Variants in LIN52 observed in about 807,000 individuals in gnomAD.
LIN52 encodes protein lin-52 homolog.
Under a neutral mutation model 18.5 loss-of-function variants are expected in LIN52, and 4 were observed. That is an observed-to-expected ratio of 0.22 (90% CI 0.11 to 0.49). The LOEUF (loss-of-function observed/expected upper bound fraction) is 0.49. Ranked by LOEUF, LIN52 falls within the 20% of genes least tolerant of loss-of-function variation. LIN52 has a pLI of 0.97. For synonymous variants in LIN52, 34 were observed against 45.5 expected, an observed-to-expected ratio of 0.75 and a Z score of 1.02; for missense variants, 102 against 139.5, an observed-to-expected ratio of 0.73 and a Z score of 1.35.
At chr14:74,126,750 T>C (rs1566855548) in intron 5 of LIN52, among the ~76,000 whole-genome samples, 1 of 151,910 alleles carries the variant, frequency 6.6e-6, no homozygotes, top group Non-Finnish European at 1.5e-5. Context: ...GAATGGGGAG[T>C]GACTACTTTA....
At position 74,091,255 on chromosome 14, in the gene LIN52, C is replaced by T; in HGVS notation, c.43C>T (p.Leu15=). 6.2e-7 allele frequency: 1 copy of T among 1,611,582 alleles called. No individual in the cohort carries two copies. Among genetic ancestry groups the T allele is most frequent in the South Asian group, 1.1e-5 (1 of 90,934 alleles). Reference sequence around the variant, plus strand: ...AGGGACAGATCTGGAAGCATCTTTGCTAAGTTTTGAAAAACTTGACCGTGC... The same window carrying T: ...AGGGACAGATCTGGAAGCATCTTTGTTAAGTTTTGAAAAACTTGACCGTGC... ...TDGTDLEASL[L]SFEKLDRASP... The change falls in exon 2 of 6, where the codon CTA becomes TTA. Residue 15 remains leucine (L), a synonymous_variant. Transcript: ENST00000555028.
chr14:74,150,246 C>T (rs180870511), intron 5 of LIN52, among the ~76,000 whole-genome samples: 33 of 151,986 alleles, frequency 2.2e-4, no homozygotes, highest in African/African-American at 7.7e-4. Context: ...TATAATTGAC[C>T]CAAACTAGAA....
At chr14:74,166,053 G>C (rs996682348) in intron 5 of LIN52, among the ~76,000 whole-genome samples, 5 of 150,854 alleles carry the variant, frequency 3.3e-5, no homozygotes, top group Admixed American at 2.6e-4. Context: ...CACCATTCCC[G>C]GCTAATTTTG....
At chr14:74,133,025 AC>A (rs1054747660) in intron 5 of LIN52, among the ~76,000 whole-genome samples, 2 of 152,050 alleles carry the variant, frequency 1.3e-5, no homozygotes, top group Admixed American at 6.5e-5. Flanking sequence ...AAAAAAAAAA[AC>A]AACCCATTTC....
intron 4 of LIN52, among the ~76,000 whole-genome samples, chr14:74,100,109 G>A (rs1042315344): frequency 1.3e-5 from 2 of 152,122 alleles, no homozygotes; most frequent in African/African-American, 4.8e-5. Flanking sequence ...GTGTTTTGTT[G>A]CCACTTTATT....
rs34746271 is a variant in LIN52, at chr14:74,130,588, A to ATTTTT, written c.283+29370_283+29374dup. On this transcript the variant is annotated intron_variant, in intron 5 of 5. Transcript: ENST00000555028. The stretch of plus-strand genomic sequence containing the variant: ...CCACCACACCTAGCCTAAATTGGCC[A>ATTTTT]TTTTTTTTTTTTTTTTTTTTTTTTG... Among the ~76,000 whole-genome samples the ATTTTT allele has an allele frequency of 5.9e-4, 43 of 72,988 alleles. 1 individual carries two copies. Among genetic ancestry groups the ATTTTT allele is most frequent in the Non-Finnish European group, 8.1e-4 (33 of 40,958 alleles). The allele number at this position is 72,988 out of a possible 152,430, so 47.9% of individuals were successfully genotyped here.
intron 5 of LIN52, chr14:74,192,496 G>A (rs1201037187): frequency 6.2e-6 from 1 of 161,284 alleles, no homozygotes; most frequent in Non-Finnish European, 1.3e-5. Flanking sequence ...ATGTTGGCCA[G>A]GCTGGTCTCG....
chr14:74,096,202 A>T (rs2060811481), intron 3 of LIN52, among the ~76,000 whole-genome samples: 1 of 152,156 alleles, frequency 6.6e-6, no homozygotes, highest in South Asian at 2.1e-4. Context: ...CTGGGATTAC[A>T]GGTGCCCACC....
chr14:74,122,338 G>A (rs374719678), intron 5 of LIN52, among the ~76,000 whole-genome samples: 3 of 152,150 alleles, frequency 2.0e-5, no homozygotes, highest in East Asian at 3.8e-4. Context: ...CATGGTGTCT[G>A]CAGCTAGCTC....
At chr14:74,130,100 C>T (rs760022912) in intron 5 of LIN52, among the ~76,000 whole-genome samples, 3 of 151,752 alleles carry the variant, frequency 2.0e-5, no homozygotes, top group Admixed American at 6.6e-5. Context: ...AAACTGCCCC[C>T]GTGATTCAGT....
intron 5 of LIN52, among the ~76,000 whole-genome samples, chr14:74,172,191 A>G (rs542962970): frequency 7.1e-4 from 108 of 152,252 alleles, no homozygotes; most frequent in Non-Finnish European, 1.3e-3. Context: ...CAGCACTGTC[A>G]TATTATATTA....
chr14:74,096,504 T>G (rs1344735171), intron 3 of LIN52, among the ~76,000 whole-genome samples: 3 of 151,642 alleles, frequency 2.0e-5, no homozygotes, highest in Non-Finnish European at 4.4e-5. Flanking sequence ...TGTTTTTTTG[T>G]TTTTTTTAAT....
intron 5 of LIN52, among the ~76,000 whole-genome samples, chr14:74,136,489 G>A (rs1355960021): frequency 6.6e-6 from 1 of 152,098 alleles, no homozygotes; most frequent in Non-Finnish European, 1.5e-5. Context: ...AGCTTCACAG[G>A]GGAAGCATTT....
At chr14:74,190,046 G>A (rs2061356878) in intron 5 of LIN52, among the ~76,000 whole-genome samples, 1 of 152,098 alleles carries the variant, frequency 6.6e-6, no homozygotes, top group African/African-American at 2.4e-5. Context: ...TGAGGCAAGA[G>A]GATTGCTTGA....
chr14:74,178,428 G>T (rs1222865941), intron 5 of LIN52, among the ~76,000 whole-genome samples: 1 of 151,614 alleles, frequency 6.6e-6, no homozygotes, highest in Non-Finnish European at 1.5e-5. Context: ...GATTAGTGGG[G>T]ACTTAATTAA....
chr14:74,133,733 AT>A (rs1324118972), intron 5 of LIN52, among the ~76,000 whole-genome samples: 3 of 152,206 alleles, frequency 2.0e-5, no homozygotes. Context: ...CCACTTTCTC[AT>A]TTTAATGCTC....
chr14:74,175,945 A>C (rs1487773094), intron 5 of LIN52, among the ~76,000 whole-genome samples: 6 of 151,870 alleles, frequency 4.0e-5, no homozygotes, highest in Non-Finnish European at 4.4e-5. Context: ...AGGCCACTGC[A>C]CTCCTGCCTG....
At chr14:74,172,445 G>A (rs992017241) in intron 5 of LIN52, among the ~76,000 whole-genome samples, 1 of 152,190 alleles carries the variant, frequency 6.6e-6, no homozygotes, top group Non-Finnish European at 1.5e-5. Flanking sequence ...AGAATTTTAA[G>A]TAATAATACA....
At chr14:74,127,283 CAGGGATGGG>C (rs1168708411) in intron 5 of LIN52, among the ~76,000 whole-genome samples, 1 of 152,122 alleles carries the variant, frequency 6.6e-6, no homozygotes, top group African/African-American at 2.4e-5. Flanking sequence ...CCTAAGAGGG[CAGGGATGGG>C]TCTCCTGAGA....
Sources: allele counts gnomAD v4.1 joint callset (sites outside exome capture counted in the v4.1 genomes callset), GRCh38; gene constraint gnomAD v4.1.1; transcripts MANE v1.5; gene names NCBI Gene and HGNC (gene_info 2026-07-23, HGNC 2026-07-21).